DCDC2: variants seen among roughly 807,000 people sequenced by gnomAD.
The protein encoded by DCDC2 is doublecortin domain containing 2.
Under a neutral mutation model 50.2 loss-of-function variants are expected in DCDC2, and 40 were observed. The observed-to-expected ratio is 0.80, with a 90% CI of 0.62 to 1.04. The LOEUF is 1.04. DCDC2 is among the 50% of genes least tolerant of loss of function. The pLI is 0.00. For missense variants in DCDC2, 570 were observed against 581.9 expected, an observed-to-expected ratio of 0.98 and a Z score of 0.21; for synonymous variants, 234 against 210.6, an observed-to-expected ratio of 1.11 and a Z score of -0.96.
Position 24,220,635 on chromosome 6 carries a change from T to C in DCDC2, c.923-15533A>G, listed in dbSNP as rs139853913. ...TGGATCAGGATGTAAATTTTTATCATATTATGTATGGGTCACAGTCAGAAA... is the reference window on the plus strand; with the variant it reads ...TGGATCAGGATGTAAATTTTTATCACATTATGTATGGGTCACAGTCAGAAA... On this transcript the variant is annotated intron_variant, in intron 7 of 9. Transcript: ENST00000378454. 5.8e-4 allele frequency among the ~76,000 whole-genome samples: 88 copies of C among 152,340 alleles called. No homozygotes were observed. In the East Asian group the frequency reaches 0.012, roughly 21 times the overall value.
At chr6:24,380,283 C>T in the DCDC2 span, among the ~76,000 whole-genome samples, 1 of 152,092 alleles carries the variant, frequency 6.6e-6, no homozygotes, top group Non-Finnish European at 1.5e-5. Context: ...TTTGTAATGC[C>T]AGAAGTACCA....
chr6:24,174,513 T>A lies in DCDC2; in HGVS notation c.*217A>T. ...CTGTCCGTCTTATTTAATATTTCTA[T>A]ATGACTTTTAAAACACATGCAATAA... On this transcript the variant is annotated 3_prime_UTR_variant, in exon 10 of 10. Coordinates refer to ENST00000378454, the MANE Select transcript of DCDC2 (RefSeq NM_016356.5). 2.7e-6 allele frequency: 1 copy of A among 364,222 alleles called. No individual in the cohort carries two copies. The highest frequency in any genetic ancestry group is 4.9e-6 in the Non-Finnish European group (1 of 202,672). The allele number at this position is 364,222 out of a possible 1,614,324, so 22.6% of individuals were successfully genotyped here. A position where few individuals can be genotyped will look rare whatever the true frequency, so the allele number is the denominator to read the frequency against.
chr6:24,211,650 C>A (rs1761873590), intron 7 of DCDC2, among the ~76,000 whole-genome samples: 1 of 152,052 alleles, frequency 6.6e-6, no homozygotes, highest in Non-Finnish European at 1.5e-5. Flanking sequence ...CTTGAGCCAC[C>A]CTTGCTGGCT....
At chr6:24,178,712 C>A in intron 8 of DCDC2, 80 bp from the exon 9 acceptor site, 8 of 1,300,340 alleles carry the variant, frequency 6.2e-6, no homozygotes, top group Non-Finnish European at 7.4e-6. Flanking sequence ...TAATGTAATA[C>A]TTATATTACA....
intron 7 of DCDC2, among the ~76,000 whole-genome samples, chr6:24,254,020 A>G (rs933619115): frequency 1.3e-5 from 2 of 152,124 alleles, no homozygotes; most frequent in African/African-American, 2.4e-5. Flanking sequence ...TTCCTATTCT[A>G]TAAGCTTTTT....
chr6:24,371,304 G>C, the DCDC2 span, among the ~76,000 whole-genome samples: 1 of 140,822 alleles, frequency 7.1e-6, no homozygotes, highest in Non-Finnish European at 1.5e-5. Flanking sequence ...GAAAAGAAAA[G>C]AAAAAAAAGA....
At chr6:24,282,157 C>A (rs1201267541) in intron 6 of DCDC2, among the ~76,000 whole-genome samples, 1 of 152,130 alleles carries the variant, frequency 6.6e-6, no homozygotes, top group Non-Finnish European at 1.5e-5. Flanking sequence ...ATCAGTATAT[C>A]CAAAAGGAAT....
intron 7 of DCDC2, among the ~76,000 whole-genome samples, chr6:24,240,846 C>T (rs530537142): frequency 1.3e-5 from 2 of 152,194 alleles, no homozygotes; most frequent in African/African-American, 4.8e-5. Flanking sequence ...GGGGCAACTG[C>T]GTTTCAATTA....
At chr6:24,306,245 T>C (rs1759471147) in intron 2 of DCDC2, among the ~76,000 whole-genome samples, 2 of 152,008 alleles carry the variant, frequency 1.3e-5, no homozygotes, top group Non-Finnish European at 2.9e-5. Flanking sequence ...AAGTTATCAT[T>C]GCAAAATTCA....
upstream of DCDC2, among the ~76,000 whole-genome samples, chr6:24,359,213 ATTATATATT>A (rs1164935533): frequency 2.1e-3 from 155 of 73,284 alleles, 3 homozygotes; most frequent in East Asian, 6.3e-3. Flanking sequence ...TATTTTATAT[ATTATATATT>A]TTATATATTT....
At chr6:24,280,732 G>T (rs1356157860) in intron 6 of DCDC2, among the ~76,000 whole-genome samples, 1 of 151,902 alleles carries the variant, frequency 6.6e-6, no homozygotes, top group African/African-American at 2.4e-5. Flanking sequence ...TAGAGACAGG[G>T]TTTCACCATG....
intron 7 of DCDC2, among the ~76,000 whole-genome samples, chr6:24,249,479 G>A (rs1762753861): frequency 6.6e-6 from 1 of 152,178 alleles, no homozygotes. Flanking sequence ...GTGCTGCTAT[G>A]ATATACAGTA....
chr6:24,309,304 GAC>G (rs67417482), intron 2 of DCDC2, among the ~76,000 whole-genome samples: 115,659 of 150,098 alleles, frequency 0.77, 47,089 homozygotes, highest in East Asian at 0.99. Flanking sequence ...CAGCCCGGGC[GAC>G]ACAGTGCAAG....
chr6:24,310,486 T>C (rs534860469), intron 2 of DCDC2, among the ~76,000 whole-genome samples: 98 of 152,320 alleles, frequency 6.4e-4, no homozygotes, highest in African/African-American at 2.3e-3. Context: ...TCCTCCTCCT[T>C]GGCTCACATT....
At chr6:24,359,051 TTTATATATCATATATA>T (rs1388208736), upstream of DCDC2, among the ~76,000 whole-genome samples, 1 of 24,796 alleles carries the variant, frequency 4.0e-5, no homozygotes, top group African/African-American at 1.9e-4. Context: ...TATTATATAT[TTTATATATCATATATA>T]TTATATATCA....
chr6:24,282,570 C>T (rs1319022434), intron 6 of DCDC2, among the ~76,000 whole-genome samples: 1 of 152,080 alleles, frequency 6.6e-6, no homozygotes, highest in East Asian at 1.9e-4. Context: ...TAAACAGTTC[C>T]CTAGGCTCTT....
intron 7 of DCDC2, among the ~76,000 whole-genome samples, chr6:24,236,291 A>G (rs925612578): frequency 1.3e-5 from 2 of 152,236 alleles, no homozygotes; most frequent in Non-Finnish European, 2.9e-5. Context: ...ACCTATAGCC[A>G]TCTGATCTTT....
chr6:24,353,840 A>G (rs1207265115), intron 1 of DCDC2, among the ~76,000 whole-genome samples: 1 of 152,230 alleles, frequency 6.6e-6, no homozygotes. Context: ...CTTCAAGAGA[A>G]GGAAAGTCTT....
the DCDC2 span, among the ~76,000 whole-genome samples, chr6:24,376,771 T>A: frequency 3.0e-4 from 33 of 108,320 alleles, no homozygotes; most frequent in African/African-American, 3.7e-4. Flanking sequence ...CTAATAATGC[T>A]AGAAAAAAAA....
Sources: gnomAD v4.1 joint callset for allele counts (sites outside exome capture counted in the v4.1 genomes callset) on GRCh38, gnomAD v4.1.1 for gene constraint, MANE v1.5 for transcripts, NCBI Gene and HGNC (gene_info 2026-07-23, HGNC 2026-07-21) for gene names.